JPT2: variants seen among roughly 807,000 people sequenced by gnomAD.
JPT2 encodes the protein Jupiter microtubule associated homolog 2, also known as CRAMP_1 like.
In JPT2, 9 loss-of-function variants were observed where a neutral mutation model predicts 15.9. That is an observed-to-expected ratio of 0.57 (90% CI 0.34 to 0.99). JPT2 has a LOEUF of 0.99. Ranked by LOEUF, JPT2 falls within the 50% of genes least tolerant of loss-of-function variation. JPT2 has a pLI of 0.02. For synonymous variants in JPT2, 95 were observed against 91.7 expected, an observed-to-expected ratio of 1.04 and a Z score of -0.21; for missense variants, 267 against 252.1, an observed-to-expected ratio of 1.06 and a Z score of -0.40.
chr16:1,691,465 T>C (rs2037103149), intron 2 of JPT2, among the ~76,000 whole-genome samples: 3 of 152,218 alleles, frequency 2.0e-5, no homozygotes, highest in Non-Finnish European at 4.4e-5. Flanking sequence ...CATTTAGCTG[T>C]TTATTTTTAA....
In JPT2 at chr16:1,699,331, A is replaced by G. The variant is rs2142232173; in HGVS notation, c.*333A>G. ...CAGCCCGCCAGCTGATTGGATGTCT[A>G]GGAATGACTGAAAGAAACCAAAACA... is the stretch of plus-strand genomic sequence containing the variant. On this transcript the variant is annotated 3_prime_UTR_variant, in exon 5 of 5. Transcript: ENST00000248098. 3.9e-6 allele frequency: 2 copies of G among 519,072 alleles called. No homozygotes were observed. The highest frequency in any genetic ancestry group is 5.0e-5 in the East Asian group (1 of 20,058). 32.2% of individuals were successfully genotyped at this position (519,072 alleles called of 1,614,324 possible).
rs1259384316 is a variant in JPT2, at chr16:1,685,506, A to G, written c.112A>G (p.Ser38Gly). The G allele has an allele frequency of 1.9e-6, 3 of 1,614,174 alleles. No homozygotes were observed. Among genetic ancestry groups the G allele is most frequent in the Non-Finnish European group, 1.7e-6 (2 of 1,180,024 alleles). The change falls in exon 2 of 5, where the codon AGC becomes GGC. Residue 38 changes from serine (S) to glycine (G), a missense_variant. Coordinates refer to ENST00000248098, the MANE Select transcript of JPT2 (RefSeq NM_144570.3). The part of the protein sequence containing the change: ...FGSPEEATPS[S>G]RPNRMASNIF... ...AAGTCCAGAAGAAGCTACTCCTTCCAGCAGGCCTAATAGGATGGCATCTAA... is the reference window on the plus strand; with the variant it reads ...AAGTCCAGAAGAAGCTACTCCTTCCGGCAGGCCTAATAGGATGGCATCTAA...
intron 2 of JPT2, among the ~76,000 whole-genome samples, chr16:1,687,023 C>T (rs1029821856): frequency 1.2e-4 from 19 of 152,210 alleles, no homozygotes; most frequent in South Asian, 8.3e-4. Flanking sequence ...CACTCTGTCG[C>T]CCAGGCTGGA....
At chr16:1,679,973 G>C (rs1040194887) in intron 1 of JPT2, among the ~76,000 whole-genome samples, 2 of 151,664 alleles carry the variant, frequency 1.3e-5, no homozygotes, top group Non-Finnish European at 2.9e-5. Flanking sequence ...GCAGGAGAAT[G>C]GTGTGAACCC....
intron 3 of JPT2, among the ~76,000 whole-genome samples, chr16:1,696,171 A>T (rs951737755): frequency 1.3e-5 from 2 of 152,028 alleles, no homozygotes; most frequent in Non-Finnish European, 2.9e-5. Context: ...TGAGGTTGCA[A>T]TGAGTTGAGA....
At chr16:1,702,272 C>A, downstream of JPT2, 1 of 429,066 alleles carries the variant, frequency 2.3e-6, no homozygotes, top group Non-Finnish European at 4.7e-6. Flanking sequence ...AACCAACATG[C>A]ATTAACTGAA....
intron 1 of JPT2, chr16:1,683,468 G>A (rs1381482340): frequency 2.8e-5 from 36 of 1,307,582 alleles, no homozygotes; most frequent in Non-Finnish European, 3.5e-5. Flanking sequence ...TTTTTCTTAA[G>A]TGCACCTGTC....
At chr16:1,702,161 T>C, downstream of JPT2, 2 of 456,056 alleles carry the variant, frequency 4.4e-6, no homozygotes, top group South Asian at 3.1e-5. Context: ...AGGGTAAACT[T>C]CTCAGACTGT....
At position 1,683,228 on chromosome 16, in the gene JPT2, G is replaced by A. The variant is rs1296952071; in HGVS notation, c.45-2211G>A. On this transcript the variant is annotated intron_variant, in intron 1 of 4. Transcript: ENST00000248098. ...CCTGACCTCGTGATCCGCCCACCTC[G>A]GCCTCCCAAGGTGCTGGGATTACAG... Among the ~76,000 whole-genome samples, 8 of 151,950 alleles carry A rather than the reference G, an allele frequency of 5.3e-5. No homozygotes were observed. In the South Asian group the frequency reaches 1.3e-3, roughly 24 times the overall value.
Position 1,697,875 on chromosome 16 carries a change from T to C in JPT2, c.385+15T>C. The C allele has an allele frequency of 6.2e-7, 1 of 1,611,460 alleles. No homozygotes were observed. The highest frequency in any genetic ancestry group is 8.5e-7 in the Non-Finnish European group (1 of 1,177,734). ...GGATCTTAAAGGTGAGCTTTTGTTT[T>C]CTTTCCCTTCTCCTGAGTGGCCTCA... is the stretch of plus-strand genomic sequence containing the variant. On this transcript the variant is annotated intron_variant, in intron 4 of 4. Coordinates refer to ENST00000248098, the MANE Select transcript of JPT2 (RefSeq NM_144570.3).
chr16:1,681,326 G>A (rs931007381), intron 1 of JPT2, among the ~76,000 whole-genome samples: 4 of 152,200 alleles, frequency 2.6e-5, no homozygotes, highest in African/African-American at 9.6e-5. Context: ...CGAGATAGCC[G>A]CTGCCCCTTG....
chr16:1,681,940 A>C (rs535445055), intron 1 of JPT2, among the ~76,000 whole-genome samples: 5 of 152,380 alleles, frequency 3.3e-5, no homozygotes, highest in Admixed American at 6.5e-5. Context: ...AGTCAGTAAA[A>C]GGAATTATAG....
intron 1 of JPT2, among the ~76,000 whole-genome samples, chr16:1,680,092 T>G (rs948268931): frequency 2.0e-5 from 3 of 152,160 alleles, no homozygotes; most frequent in Non-Finnish European, 2.9e-5. Flanking sequence ...GAACAGTGAT[T>G]ATTATGCCTA....
At chr16:1,686,307 A>T (rs1382417533) in intron 2 of JPT2, 1 of 150,820 alleles carries the variant, frequency 6.6e-6, no homozygotes, top group Non-Finnish European at 1.5e-5. Context: ...CAGGAGGCGG[A>T]GCTTGCAGTG....
At chr16:1,681,585 G>A (rs1431291623) in intron 1 of JPT2, among the ~76,000 whole-genome samples, 1 of 152,144 alleles carries the variant, frequency 6.6e-6, no homozygotes, top group Non-Finnish European at 1.5e-5. Context: ...AAATTTTGGA[G>A]TCCCGATGGC....
intron 2 of JPT2, among the ~76,000 whole-genome samples, chr16:1,687,094 T>C (rs2037072534): frequency 6.6e-6 from 1 of 152,224 alleles, no homozygotes; most frequent in South Asian, 2.1e-4. Context: ...GTGACCCTTT[T>C]TCCTCAGCCT....
intron 3 of JPT2, among the ~76,000 whole-genome samples, chr16:1,696,802 T>C (rs2037145477): frequency 1.3e-5 from 2 of 152,060 alleles, no homozygotes; most frequent in South Asian, 2.1e-4. Flanking sequence ...GTTCGGATGG[T>C]GTGATGTAAA....
At chr16:1,692,021 G>A (rs766928639) in intron 3 of JPT2, 36 bp downstream of exon 3, 75 of 1,609,718 alleles carry the variant, frequency 4.7e-5, no homozygotes, top group South Asian at 9.9e-5. Flanking sequence ...GCGCAGCAGC[G>A]GGTATGCCAG....
In JPT2 at chr16:1,678,354, C is replaced by A; in HGVS notation, c.42C>A (p.Ser14=). 8.1e-7 allele frequency: 1 copy of A among 1,232,102 alleles called. No homozygotes were observed. Among genetic ancestry groups the A allele is most frequent in the Non-Finnish European group, 1.0e-6 (1 of 986,068 alleles). 76.3% of individuals were successfully genotyped at this position (1,232,102 alleles called of 1,614,324 possible). ...ATAGCGAGGGCGGCCGCGCCGGCTCCAGGTGCGGCGCGGGGCACACGGGAG... is the reference window on the plus strand; with the variant it reads ...ATAGCGAGGGCGGCCGCGCCGGCTCAAGGTGCGGCGCGGGGCACACGGGAG... ...VPDSEGGRAG[S]RAMKPPGGES... Residue 14 remains serine (S), a splice_region_variant and synonymous_variant, in exon 1 of 5, where the codon TCC becomes TCA. Transcript: ENST00000248098.
Sources: gnomAD v4.1 joint callset for allele counts (sites outside exome capture counted in the v4.1 genomes callset) on GRCh38, gnomAD v4.1.1 for gene constraint, MANE v1.5 for transcripts, NCBI Gene and HGNC (gene_info 2026-07-23, HGNC 2026-07-21) for gene names.